PPP4R3A: variants seen among roughly 807,000 people sequenced by gnomAD.
PPP4R3A encodes serine/threonine-protein phosphatase 4 regulatory subunit 3A.
PPP4R3A carries 15 observed loss-of-function variants against 91.7 expected under a neutral mutation model. That is an observed-to-expected ratio of 0.16 (90% confidence interval 0.11 to 0.25). The LOEUF (loss-of-function observed/expected upper bound fraction) is 0.25, where lower values mean the gene tolerates loss of function less well. Among genes scored for constraint, PPP4R3A ranks in the 10% least tolerant of loss-of-function variants. The probability of loss-of-function intolerance (pLI) is 1.00; values close to 1 mark genes in which losing one functional copy is unlikely to be tolerated. For synonymous variants in PPP4R3A, 377 were observed against 348.7 expected (o/e 1.08, Z -0.91); for missense variants, 623 against 998.4 (o/e 0.62, Z 5.07).
In PPP4R3A at chr14:91,510,254, G is replaced by C. The variant is rs1319317999; in HGVS notation, c.-607C>G. 6.6e-6 allele frequency: 1 copy of C among 152,630 alleles called. No individual in the cohort carries two copies. Among genetic ancestry groups the C allele is most frequent in the Non-Finnish European group, 1.5e-5 (1 of 68,444 alleles). 9.5% of individuals were successfully genotyped at this position (152,630 alleles called of 1,614,324 possible). ...GTTTCCCTCCGCCGCCGTCTCTTCC[G>C]TCTTCCTCACACAGCCAAAACCGCC... On this transcript the variant is annotated 5_prime_UTR_variant, in exon 1 of 15. Coordinates refer to ENST00000554943, the MANE Select transcript of PPP4R3A (RefSeq NM_001366432.2).
At chr14:91,468,800 T>C (rs907852654) in intron 10 of PPP4R3A, among the ~76,000 whole-genome samples, 3 of 150,874 alleles carry the variant, frequency 2.0e-5, no homozygotes, top group Non-Finnish European at 2.9e-5. Flanking sequence ...TACTCTCCCA[T>C]GACCAAGACA....
chr14:91,464,133 G>A (rs997063562), intron 11 of PPP4R3A, among the ~76,000 whole-genome samples: 1 of 152,140 alleles, frequency 6.6e-6, no homozygotes, highest in Non-Finnish European at 1.5e-5. Context: ...GACCTGCCTG[G>A]CCAATAGTGA....
intron 1 of PPP4R3A, among the ~76,000 whole-genome samples, chr14:91,499,234 C>T (rs942541206): frequency 6.6e-6 from 1 of 151,956 alleles, no homozygotes; most frequent in Non-Finnish European, 1.5e-5. Context: ...CACTGCACTC[C>T]AGCCTGGGCG....
chr14:91,489,538 T>C (rs1595076258), intron 2 of PPP4R3A, among the ~76,000 whole-genome samples: 1 of 152,180 alleles, frequency 6.6e-6, no homozygotes, highest in Non-Finnish European at 1.5e-5. Flanking sequence ...CAGCAACTTT[T>C]CCCCAAATTA....
intron 1 of PPP4R3A, among the ~76,000 whole-genome samples, chr14:91,495,274 C>A (rs1890468640): frequency 7.6e-6 from 1 of 131,246 alleles, no homozygotes; most frequent in Admixed American, 8.0e-5. Flanking sequence ...AGAAGCCCAT[C>A]ATAAAATACC....
chr14:91,507,640 A>AGT (rs201065747), intron 1 of PPP4R3A, among the ~76,000 whole-genome samples: 150 of 129,622 alleles, frequency 1.2e-3, no homozygotes, highest in Admixed American at 1.5e-3. Flanking sequence ...ATACTATAAT[A>AGT]ATATATACAC....
At chr14:91,506,137 C>T (rs1193275221) in intron 1 of PPP4R3A, among the ~76,000 whole-genome samples, 1 of 152,094 alleles carries the variant, frequency 6.6e-6, no homozygotes, top group Non-Finnish European at 1.5e-5. Flanking sequence ...TTAGTAGAGA[C>T]AGGGTTTCAC....
chr14:91,461,352 AG>A, intron 14 of PPP4R3A, 28 bp downstream of exon 14: 1 of 1,581,328 alleles, frequency 6.3e-7, no homozygotes, highest in South Asian at 1.1e-5. Flanking sequence ...TTGGGAAAAA[AG>A]GGGGCAAAAT....
intron 10 of PPP4R3A, 116 bp from the exon 11 acceptor site, chr14:91,465,535 T>C (rs1595051365): frequency 1.2e-6 from 1 of 850,548 alleles, no homozygotes; most frequent in Non-Finnish European, 1.7e-6. Context: ...TCAATAATTA[T>C]TTATGATGTT....
intron 1 of PPP4R3A, among the ~76,000 whole-genome samples, chr14:91,507,943 A>G (rs1279808894): frequency 1.3e-5 from 2 of 152,096 alleles, no homozygotes; most frequent in Admixed American, 6.6e-5. Context: ...GCAACAGGGC[A>G]AAATCCTGTT....
intron 2 of PPP4R3A, among the ~76,000 whole-genome samples, chr14:91,487,713 G>GT (rs10590794): frequency 4.0e-5 from 6 of 151,128 alleles, no homozygotes; most frequent in African/African-American, 7.3e-5. Context: ...GGACACTTCT[G>GT]TTTTTTTTTG....
At position 91,509,615 on chromosome 14, in the gene PPP4R3A, G is replaced by A; in HGVS notation, c.33C>T (p.Tyr11=). The A allele has an allele frequency of 2.5e-6, 4 of 1,602,222 alleles. No homozygotes were observed. Among genetic ancestry groups the A allele is most frequent in the Non-Finnish European group, 3.4e-6 (4 of 1,179,356 alleles). The part of the protein sequence containing the change: MTDTRRRVKV[Y]TLNEDRQWDD... ...CCCACTGCCGGTCCTCGTTGAGCGT[G>A]TACACCTTCACCCGCCGCCGGGTGT... Residue 11 remains tyrosine, a synonymous_variant, in exon 1 of 15, where the codon TAC becomes TAT. Coordinates refer to ENST00000554943, the MANE Select transcript of PPP4R3A (RefSeq NM_001366432.2).
intron 3 of PPP4R3A, among the ~76,000 whole-genome samples, chr14:91,483,255 T>C (rs1296630778): frequency 1.3e-5 from 2 of 152,156 alleles, no homozygotes; most frequent in Non-Finnish European, 2.9e-5. Context: ...AATTAGACCT[T>C]ATATGGAAAA....
At position 91,473,096 on chromosome 14, in the gene PPP4R3A, G is replaced by A; in HGVS notation, c.1438C>T (p.His480Tyr). Residue 480 changes from histidine (H) to tyrosine (Y), a missense_variant, in exon 9 of 15, where the codon CAC (histidine) becomes TAC (tyrosine). Around this residue, in one of 5 missense-constraint regions of PPP4R3A, gnomAD observed 87 missense variants for 233.9 expected, o/e 0.37. Transcript: ENST00000554943. Reference sequence around the variant, plus strand: ...GGAGCAGTGAGAACATGCATACAGTGCTTGTAGAAGAAACCCAGAAATTCA... The same window carrying A: ...GGAGCAGTGAGAACATGCATACAGTACTTGTAGAAGAAACCCAGAAATTCA... ...KTEFLGFFYK[H>Y]CMHVLTAPLL... The A allele has an allele frequency of 6.2e-7, 1 of 1,614,174 alleles. No homozygotes were observed. The highest frequency in any genetic ancestry group is 8.5e-7 in the Non-Finnish European group (1 of 1,180,032).
At position 91,458,611 on chromosome 14, in the gene PPP4R3A, G is replaced by C. The variant is rs1441472768; in HGVS notation, c.*148C>G. 9.0e-7 allele frequency: 1 copy of C among 1,116,412 alleles called. No individual in the cohort carries two copies. Among genetic ancestry groups the C allele is most frequent in the Non-Finnish European group, 1.4e-6 (1 of 731,316 alleles). 69.2% of individuals were successfully genotyped at this position (1,116,412 alleles called of 1,614,324 possible). ...CCCCTCCTCCTGCTCCATTGAATTG[G>C]CACTTGATGAGCAGAAGTCAAGTGT... On this transcript the variant is annotated 3_prime_UTR_variant, in exon 15 of 15. Coordinates refer to ENST00000554943, the MANE Select transcript of PPP4R3A (RefSeq NM_001366432.2).
intron 1 of PPP4R3A, among the ~76,000 whole-genome samples, chr14:91,497,448 A>C (rs765671073): frequency 3.2e-4 from 48 of 152,234 alleles, no homozygotes; most frequent in Non-Finnish European, 6.6e-4. Flanking sequence ...CCTACACTCC[A>C]ATTCAAGAAA....
Position 91,475,481 on chromosome 14 carries a change from G to GT in PPP4R3A, c.1266+329dup, listed in dbSNP as rs554035608. The GT allele has an allele frequency of 2.3e-4, 52 of 229,232 alleles. No individual in the cohort carries two copies. The South Asian group carries it at 3.1e-3, about 14-fold the overall frequency. The allele number at this position is 229,232 out of a possible 1,614,324, so 14.2% of individuals were successfully genotyped here. On this transcript the variant is annotated intron_variant, in intron 7 of 14. Coordinates refer to ENST00000554943, the MANE Select transcript of PPP4R3A (RefSeq NM_001366432.2). ...TACCCTAAAGTCAATGTTTTCCTAG[G>GT]TAACTTACTCTTAATTCCCCAGATA...
chr14:91,462,125 T>C lies in PPP4R3A; in HGVS notation c.2088A>G (p.Val696=). 1 of 1,602,678 alleles carries C rather than the reference T, an allele frequency of 6.2e-7. No individual in the cohort carries two copies. Among genetic ancestry groups the C allele is most frequent in the Non-Finnish European group, 8.5e-7 (1 of 1,175,734 alleles). The change falls in exon 13 of 15, where the codon GTA becomes GTG. Residue 696 remains valine, a synonymous_variant. Coordinates refer to ENST00000554943, the MANE Select transcript of PPP4R3A (RefSeq NM_001366432.2). ...TTTTAGTTTTGTCAGATGGAGACAC[T>C]ACAGCTTCTCCATCTTCCATGTCAT... The part of the protein sequence containing the change: ...DEDDMEDGEA[V]VSPSDKTKND...
chr14:91,495,931 C>T (rs1047509440), intron 1 of PPP4R3A, among the ~76,000 whole-genome samples: 4 of 37,438 alleles, frequency 1.1e-4, no homozygotes, highest in Non-Finnish European at 1.9e-4. Context: ...AAAAACAAAA[C>T]AAAACACACA....
Sources: allele counts gnomAD v4.1 joint callset (sites outside exome capture counted in the v4.1 genomes callset), GRCh38; gene constraint gnomAD v4.1.1; regional missense constraint gnomAD v4.1.1; transcripts MANE v1.5; gene names NCBI Gene and HGNC (gene_info 2026-07-23, HGNC 2026-07-21).